SLC35F4: variants seen among roughly 807,000 people sequenced by gnomAD.
SLC35F4 encodes the protein chromosome 14 open reading frame 36.
A neutral mutation model predicts 44.2 loss-of-function variants in SLC35F4; 24 were observed. The observed-to-expected ratio is 0.54, with a 90% CI of 0.39 to 0.76. The LOEUF (loss-of-function observed/expected upper bound fraction) is 0.76, where lower values mean the gene tolerates loss of function less well. SLC35F4 is among the 30% of genes least tolerant of loss of function. The pLI is 0.00. For synonymous variants in SLC35F4, 238 were observed against 223.6 expected, an observed-to-expected ratio of 1.06 and a Z score of -0.57; for missense variants, 562 against 586.1, an observed-to-expected ratio of 0.96 and a Z score of 0.42.
At chr14:57,949,847 A>G (rs1439047946) in intron 1 of SLC35F4, among the ~76,000 whole-genome samples, 2 of 152,220 alleles carry the variant, frequency 1.3e-5, no homozygotes, top group African/African-American at 4.8e-5. Flanking sequence ...GAGGCTACAA[A>G]TAGGACTCCA....
chr14:57,662,990 T>G (rs2140241835), intron 1 of SLC35F4, among the ~76,000 whole-genome samples: 1 of 152,346 alleles, frequency 6.6e-6, no homozygotes, highest in Middle Eastern at 3.4e-3. Context: ...GTTCCTCTAC[T>G]GGGAATGATC....
At chr14:57,865,403 G>C (rs1888066925) in intron 1 of SLC35F4, among the ~76,000 whole-genome samples, 1 of 152,174 alleles carries the variant, frequency 6.6e-6, no homozygotes, top group Non-Finnish European at 1.5e-5. Context: ...TCCTCCGGGC[G>C]TAAATCCACC....
At chr14:57,844,364 G>A (rs1206746529) in intron 1 of SLC35F4, among the ~76,000 whole-genome samples, 1 of 152,192 alleles carries the variant, frequency 6.6e-6, no homozygotes, top group East Asian at 1.9e-4. Context: ...AAGACTGTAA[G>A]ACCAATGGGG....
chr14:57,881,235 C>T (rs1888528221), intron 1 of SLC35F4, among the ~76,000 whole-genome samples: 1 of 152,150 alleles, frequency 6.6e-6, no homozygotes, highest in Non-Finnish European at 1.5e-5. Context: ...ACAATTTGTA[C>T]TTAAGGTGCC....
At chr14:57,610,150 G>A (rs1475371266) in intron 1 of SLC35F4, among the ~76,000 whole-genome samples, 1 of 152,180 alleles carries the variant, frequency 6.6e-6, no homozygotes, top group Non-Finnish European at 1.5e-5. Context: ...CATTGAACTA[G>A]ACCTTATGGA....
intron 1 of SLC35F4, chr14:57,595,746 C>G (rs561117865): frequency 6.6e-5 from 10 of 152,252 alleles, no homozygotes; most frequent in African/African-American, 2.4e-4. Context: ...TTTGATTTGT[C>G]CCCATTCTTT....
At chr14:57,831,574 T>A (rs1289070034) in intron 1 of SLC35F4, among the ~76,000 whole-genome samples, 3 of 152,150 alleles carry the variant, frequency 2.0e-5, no homozygotes, top group Non-Finnish European at 4.4e-5. Context: ...CAATCTATGT[T>A]TCACAAACTG....
At chr14:57,952,446 T>C (rs943116570) in intron 1 of SLC35F4, among the ~76,000 whole-genome samples, 1 of 152,046 alleles carries the variant, frequency 6.6e-6, no homozygotes, top group Non-Finnish European at 1.5e-5. Context: ...GTTTGACTAA[T>C]TGGCAGAAGT....
intron 1 of SLC35F4, among the ~76,000 whole-genome samples, chr14:57,708,724 C>T (rs560113558): frequency 1.3e-5 from 2 of 152,070 alleles, no homozygotes; most frequent in African/African-American, 4.8e-5. Context: ...CCCAGGGGAC[C>T]ACTACCACCA....
At chr14:57,974,516 A>G (rs539498436), downstream of SLC35F4, among the ~76,000 whole-genome samples, 9 of 152,326 alleles carry the variant, frequency 5.9e-5, no homozygotes, top group Middle Eastern at 3.4e-3. Context: ...CTAGACAAGT[A>G]TCTACCAGCT....
intron 1 of SLC35F4, among the ~76,000 whole-genome samples, chr14:57,874,476 A>G (rs1334332142): frequency 6.6e-6 from 1 of 152,204 alleles, no homozygotes; most frequent in African/African-American, 2.4e-5. Context: ...CAAGGCACAA[A>G]CACTCAAGAT....
At chr14:57,594,387 C>T (rs28401573) in intron 1 of SLC35F4, among the ~76,000 whole-genome samples, 4,971 of 152,160 alleles carry the variant, frequency 0.033, 292 homozygotes, top group African/African-American at 0.11. Flanking sequence ...CAGGGTTTCA[C>T]AGTGTTGGCC....
chr14:57,731,236 C>T (rs1011138267), intron 1 of SLC35F4, among the ~76,000 whole-genome samples: 2 of 152,124 alleles, frequency 1.3e-5, no homozygotes, highest in African/African-American at 4.8e-5. Flanking sequence ...CTCTACTTCC[C>T]CAGAATCTTC....
intron 1 of SLC35F4, among the ~76,000 whole-genome samples, chr14:57,877,561 T>C (rs1888424537): frequency 6.6e-6 from 1 of 152,194 alleles, no homozygotes; most frequent in African/African-American, 2.4e-5. Flanking sequence ...TTTAAGTTCT[T>C]TGAGAAATTG....
intron 1 of SLC35F4, among the ~76,000 whole-genome samples, chr14:57,838,336 C>A (rs1353127006): frequency 6.6e-6 from 1 of 152,190 alleles, no homozygotes; most frequent in Non-Finnish European, 1.5e-5. Flanking sequence ...ATTCCCAAAT[C>A]ATAGCTTGTT....
chr14:57,684,319 C>G (rs2075002381), intron 1 of SLC35F4, among the ~76,000 whole-genome samples: 1 of 152,182 alleles, frequency 6.6e-6, no homozygotes, highest in South Asian at 2.1e-4. Flanking sequence ...TCTGGCGCAG[C>G]AGTCCCCACA....
intron 1 of SLC35F4, among the ~76,000 whole-genome samples, chr14:57,616,237 C>G (rs2071814014): frequency 6.6e-6 from 1 of 152,100 alleles, no homozygotes; most frequent in Non-Finnish European, 1.5e-5. Context: ...TTTCTTGATC[C>G]ACTTAGAGAA....
At chr14:57,885,220 T>A (rs1028412647) in intron 1 of SLC35F4, among the ~76,000 whole-genome samples, 4 of 152,180 alleles carry the variant, frequency 2.6e-5, no homozygotes, top group African/African-American at 9.7e-5. Flanking sequence ...ATCTAATCAC[T>A]AGCTGTGTCA....
At chr14:57,982,598 C>T (rs901327246), upstream of SLC35F4, among the ~76,000 whole-genome samples, 5 of 151,922 alleles carry the variant, frequency 3.3e-5, no homozygotes, top group African/African-American at 9.7e-5. Context: ...AGATCATGAG[C>T]GATAATTGTT....
Sources: gnomAD v4.1 joint callset for allele counts (sites outside exome capture counted in the v4.1 genomes callset) on GRCh38, gnomAD v4.1.1 for gene constraint, MANE v1.5 for transcripts, NCBI Gene and HGNC (gene_info 2026-07-23, HGNC 2026-07-21) for gene names.